Variants in DNAAF9 observed in about 807,000 individuals in gnomAD.
DNAAF9 encodes the protein shulin.
Under a neutral mutation model 167.0 loss-of-function variants are expected in DNAAF9, and 90 were observed. That is an observed-to-expected ratio of 0.54 (90% CI 0.45 to 0.64). DNAAF9 has a LOEUF of 0.64. Ranked by LOEUF, DNAAF9 falls within the 30% of genes least tolerant of loss-of-function variation. DNAAF9 has a pLI of 0.00. For synonymous variants in DNAAF9, 491 were observed against 508.8 expected (o/e 0.96, Z 0.47); for missense variants, 1,315 against 1,442.2 (o/e 0.91, Z 1.43).
At position 3,298,099 on chromosome 20, in the gene DNAAF9, T is replaced by C. The variant is rs767633085; in HGVS notation, c.1859A>G (p.His620Arg). 5.6e-6 allele frequency: 9 copies of C among 1,612,696 alleles called. No individual in the cohort carries two copies. The South Asian group carries it at 7.7e-5, about 14-fold the overall frequency. ...SLLPHLPVHF[H>R]GSSNFLMIAL... is the part of the protein sequence containing the mutation. ...AATCATCAGAAAATTGCTTGATCCA[T>C]GGAAATGAACTGGGAGGTGAGGAAG... Residue 620 changes from histidine (H) to arginine (R), a missense_variant, in exon 22 of 37, where the codon CAT becomes CGT. Physicochemically the swap from His to Arg is conservative, Grantham distance 29 (BLOSUM62 0). Transcript: ENST00000252032.
intron 6 of DNAAF9, among the ~76,000 whole-genome samples, chr20:3,368,613 C>T (rs972224917): frequency 1.2e-4 from 18 of 151,064 alleles, no homozygotes; most frequent in Non-Finnish European, 1.6e-4. Context: ...CCCAGGTTCA[C>T]GCCATTCTCC....
At chr20:3,329,120 T>C (rs992910183) in intron 12 of DNAAF9, among the ~76,000 whole-genome samples, 3 of 152,146 alleles carry the variant, frequency 2.0e-5, no homozygotes, top group Admixed American at 6.5e-5. Context: ...TCCACCCGCC[T>C]TGGCCTCCCA....
At chr20:3,333,965 G>A (rs976253666) in intron 10 of DNAAF9, among the ~76,000 whole-genome samples, 3 of 152,146 alleles carry the variant, frequency 2.0e-5, no homozygotes, top group Non-Finnish European at 4.4e-5. Flanking sequence ...CATAGAGCAC[G>A]ACTCTTAAAA....
intron 29 of DNAAF9, among the ~76,000 whole-genome samples, chr20:3,275,704 G>A (rs2068665477): frequency 6.6e-6 from 1 of 152,220 alleles, no homozygotes; most frequent in African/African-American, 2.4e-5. Context: ...CATAGTGAGC[G>A]GTTCCACCTT....
In DNAAF9 at chr20:3,252,547, C is replaced by T. The variant is rs566533442; in HGVS notation, c.*25G>A. The T allele has an allele frequency of 1.4e-5, 17 of 1,247,270 alleles. No individual in the cohort carries two copies. In the East Asian group the frequency reaches 3.7e-4, roughly 27 times the overall value. 77.3% of individuals were successfully genotyped at this position (1,247,270 alleles called of 1,614,324 possible). On this transcript the variant is annotated 3_prime_UTR_variant, in exon 37 of 37. Transcript: ENST00000252032. Reference sequence around the variant, plus strand: ...GTCCATCTCCAAGGTGGACATTCTGCAGGACGTACGGGCCCAGCCTTCCTC... The same window carrying T: ...GTCCATCTCCAAGGTGGACATTCTGTAGGACGTACGGGCCCAGCCTTCCTC...
intron 20 of DNAAF9, 47 bp from the exon 21 acceptor site, chr20:3,304,590 G>GTGCT (rs1555789812): frequency 1.2e-6 from 1 of 853,430 alleles, no homozygotes; most frequent in African/African-American, 1.7e-5. Context: ...TGGGTGCTGG[G>GTGCT]GGTCAGATTC....
In DNAAF9 at chr20:3,359,569, A is replaced by G. The variant is rs776080427; in HGVS notation, c.637T>C (p.Trp213Arg). 4 of 1,612,942 alleles carry G rather than the reference A, an allele frequency of 2.5e-6. No individual in the cohort carries two copies. The highest frequency in any genetic ancestry group is 3.4e-6 in the Non-Finnish European group (4 of 1,179,572). The stretch of plus-strand genomic sequence containing the variant: ...GGATCCATCTTGCTGTAGACATTCC[A>G]TAGATTCAAACTCACATCCTGCAAC... Reference protein sequence around the residue: ...YELQDVSLNLWNVYSKMDPMS... With the variant: ...YELQDVSLNLRNVYSKMDPMS... The change falls in exon 7 of 37, where the codon TGG becomes CGG. Residue 213 changes from tryptophan to arginine, a missense_variant. Around this residue, in one of 2 missense-constraint regions of DNAAF9, gnomAD observed 981 missense variants for 1,012.5 expected, o/e 0.97. Transcript: ENST00000252032.
At chr20:3,269,544 A>T (rs1027944335) in intron 30 of DNAAF9, among the ~76,000 whole-genome samples, 5 of 152,126 alleles carry the variant, frequency 3.3e-5, no homozygotes, top group Non-Finnish European at 5.9e-5. Context: ...CTTTAATACA[A>T]GGATGTTAAG....
intron 1 of DNAAF9, among the ~76,000 whole-genome samples, chr20:3,386,725 C>T (rs749724436): frequency 1.3e-5 from 2 of 151,202 alleles, no homozygotes; most frequent in Non-Finnish European, 2.9e-5. Context: ...TGAAAAAGAA[C>T]CATATGTGGA....
intron 12 of DNAAF9, among the ~76,000 whole-genome samples, chr20:3,326,600 C>T (rs903477956): frequency 6.6e-6 from 1 of 151,796 alleles, no homozygotes; most frequent in Non-Finnish European, 1.5e-5. Flanking sequence ...ATAAAATTAT[C>T]CAGAAATGGT....
chr20:3,270,280 C>A, intron 30 of DNAAF9, 147 bp downstream of exon 30: 1 of 678,476 alleles, frequency 1.5e-6, no homozygotes, highest in South Asian at 1.7e-5. Flanking sequence ...GTAGCTGGGA[C>A]TATAGGTGCG....
chr20:3,363,224 G>A (rs537185201), intron 6 of DNAAF9, among the ~76,000 whole-genome samples: 8 of 136,456 alleles, frequency 5.9e-5, no homozygotes, highest in South Asian at 2.3e-4. Flanking sequence ...GTGAGACTCC[G>A]TCTCAAAAAA....
rs1293598488 is a variant in DNAAF9 at position 3,250,962 on chromosome 20, C to T, written c.*1610G>A. 6.6e-6 allele frequency: 1 copy of T among 152,204 alleles called. No individual in the cohort carries two copies. Among genetic ancestry groups the T allele is most frequent in the Non-Finnish European group, 1.5e-5 (1 of 68,036 alleles). The allele number at this position is 152,204 out of a possible 1,614,324, so 9.4% of individuals were successfully genotyped here. On this transcript the variant is annotated 3_prime_UTR_variant, in exon 37 of 37. Coordinates refer to ENST00000252032, the MANE Select transcript of DNAAF9 (RefSeq NM_001009984.3). The stretch of plus-strand genomic sequence containing the variant: ...TGAAGCGAGGCAAGCCCTTGACGGA[C>T]CGCAGCCTCTGGCCAGCCAGAAGTC...
At chr20:3,351,719 C>A (rs1336212864) in intron 7 of DNAAF9, among the ~76,000 whole-genome samples, 2 of 151,984 alleles carry the variant, frequency 1.3e-5, no homozygotes, top group Non-Finnish European at 2.9e-5. Flanking sequence ...ATAGAATTCA[C>A]GATAGTGTTA....
In DNAAF9 at chr20:3,353,516, C is replaced by T. The variant is rs2070366678; in HGVS notation, c.691-4893G>A. Among the ~76,000 whole-genome samples, 3 of 151,792 alleles carry T rather than the reference C, an allele frequency of 2.0e-5. No individual in the cohort carries two copies. The South Asian group carries it at 6.2e-4, about 31-fold the overall frequency. On this transcript the variant is annotated intron_variant, in intron 7 of 36. Transcript: ENST00000252032. Reference sequence around the variant, plus strand: ...GGTGGCAAGTGCTTGCAGTCCCAGCCTCTAGGGAAGCTGAGGTGGGAGAAC... The same window carrying T: ...GGTGGCAAGTGCTTGCAGTCCCAGCTTCTAGGGAAGCTGAGGTGGGAGAAC...
intron 8 of DNAAF9, among the ~76,000 whole-genome samples, chr20:3,346,177 T>G (rs1393527697): frequency 6.6e-6 from 1 of 152,210 alleles, no homozygotes; most frequent in Non-Finnish European, 1.5e-5. Flanking sequence ...ATTGGTGAAG[T>G]TGTGCAGCAA....
chr20:3,260,400 T>A (rs1461882088), intron 31 of DNAAF9, among the ~76,000 whole-genome samples: 1 of 152,202 alleles, frequency 6.6e-6, no homozygotes, highest in Non-Finnish European at 1.5e-5. Context: ...TCTATGCCAT[T>A]TTGCACACAA....
At chr20:3,281,121 C>T (rs543259504) in intron 28 of DNAAF9, among the ~76,000 whole-genome samples, 10 of 152,106 alleles carry the variant, frequency 6.6e-5, no homozygotes, top group African/African-American at 1.4e-4. Context: ...CTCCACCTCC[C>T]GGGTTCAAGC....
At chr20:3,357,749 A>G (rs1385963808) in intron 7 of DNAAF9, among the ~76,000 whole-genome samples, 1 of 151,480 alleles carries the variant, frequency 6.6e-6, no homozygotes, top group East Asian at 1.9e-4. Flanking sequence ...TGGAGTGTGG[A>G]GCGCAATGGT....
Sources: gnomAD v4.1 joint callset for allele counts (sites outside exome capture counted in the v4.1 genomes callset) on GRCh38, gnomAD v4.1.1 for gene constraint, gnomAD v4.1.1 regional missense constraint, MANE v1.5 for transcripts, NCBI Gene and HGNC (gene_info 2026-07-23, HGNC 2026-07-21) for gene names.